Variants in MACC1 observed in about 807,000 individuals in gnomAD.
MACC1 encodes the protein metastasis-associated in colon cancer protein 1.
In MACC1, 79 loss-of-function variants were observed where a neutral mutation model predicts 70.7. That is an observed-to-expected ratio of 1.12 (90% confidence interval 0.93 to 1.35). MACC1 has a LOEUF of 1.35. Among genes scored for constraint, MACC1 ranks in the 40% most tolerant of loss-of-function variants. The pLI is 0.00. For synonymous variants in MACC1, 361 were observed against 347.2 expected (o/e 1.04, Z -0.44); for missense variants, 1,106 against 978.1 (o/e 1.13, Z -1.74).
chr7:20,194,534 C>T (rs539721061), intron 1 of MACC1, among the ~76,000 whole-genome samples: 1 of 152,326 alleles, frequency 6.6e-6, no homozygotes, highest in African/African-American at 2.4e-5. Context: ...TAAAAGCTTA[C>T]ACCTGATTCA....
chr7:20,192,889 C>A (rs1782693974), intron 1 of MACC1, among the ~76,000 whole-genome samples: 2 of 152,186 alleles, frequency 1.3e-5, no homozygotes, highest in African/African-American at 4.8e-5. Flanking sequence ...AAAAGTACTA[C>A]AGGATTTGAG....
intron 5 of MACC1, among the ~76,000 whole-genome samples, chr7:20,155,139 C>T (rs1377797290): frequency 1.3e-5 from 2 of 152,014 alleles, no homozygotes; most frequent in Non-Finnish European, 2.9e-5. Context: ...TGTGTTTTGC[C>T]TTGAGTACCA....
rs1456939853 is a variant in MACC1, at chr7:20,138,706, C to A, written c.*2240G>T. 2 of 150,370 alleles carry A rather than the reference C, an allele frequency of 1.3e-5. No homozygotes were observed. The highest frequency in any genetic ancestry group is 2.0e-4 in the East Asian group (1 of 5,108). 9.3% of individuals were successfully genotyped at this position (150,370 alleles called of 1,614,324 possible). Reference sequence around the variant, plus strand: ...ATTCCTTTTTTTTTTTTTGAGACAGCCTGTCACCCAGGCTGGAGTGCAGTG... The same window carrying A: ...ATTCCTTTTTTTTTTTTTGAGACAGACTGTCACCCAGGCTGGAGTGCAGTG... On this transcript the variant is annotated 3_prime_UTR_variant, in exon 7 of 7. Transcript: ENST00000400331.
intron 1 of MACC1, among the ~76,000 whole-genome samples, chr7:20,174,854 AT>A (rs1257061958): frequency 1.1e-4 from 16 of 152,128 alleles, no homozygotes; most frequent in African/African-American, 2.9e-4. Flanking sequence ...TTTTAAAAAA[AT>A]GTATTTGTTA....
At position 20,185,121 on chromosome 7, in the gene MACC1, G is replaced by A. The variant is rs1387629892; in HGVS notation, c.-217-14343C>T. 3.9e-5 allele frequency: 6 copies of A among 152,110 alleles called. No homozygotes were observed. In the East Asian group the frequency reaches 1.2e-3, roughly 29 times the overall value. 9.4% of individuals were successfully genotyped at this position (152,110 alleles called of 1,614,324 possible). A position where few individuals can be genotyped will look rare whatever the true frequency, so the allele number is the denominator to read the frequency against. ...AATAAATAATATCAGTTCTCTCTAA[G>A]AGGTAGAAAAACTAAGCCTGAATTC... On this transcript the variant is annotated intron_variant, in intron 1 of 6. Transcript: ENST00000400331.
intron 6 of MACC1, 130 bp from the exon 7 acceptor site, chr7:20,141,288 T>C (rs1781797038): frequency 1.8e-6 from 1 of 559,728 alleles, no homozygotes; most frequent in African/African-American, 1.9e-5. Flanking sequence ...CATGGACTTA[T>C]TTGATGTCAT....
intron 6 of MACC1, among the ~76,000 whole-genome samples, chr7:20,149,645 G>A (rs946870475): frequency 2.0e-5 from 3 of 151,952 alleles, no homozygotes; most frequent in African/African-American, 7.3e-5. Context: ...ACCAACATAT[G>A]TACCTGACCA....
chr7:20,161,169 T>C (rs1448248207), intron 4 of MACC1, among the ~76,000 whole-genome samples: 2 of 152,134 alleles, frequency 1.3e-5, no homozygotes, highest in East Asian at 1.9e-4. Context: ...TTTGTGAAGC[T>C]AGTGCTGCTT....
At chr7:20,151,360 A>C (rs1781975153) in intron 6 of MACC1, among the ~76,000 whole-genome samples, 2 of 152,198 alleles carry the variant, frequency 1.3e-5, no homozygotes, top group African/African-American at 4.8e-5. Context: ...TAAAACTCTA[A>C]ATATATTCAG....
chr7:20,196,933 T>A (rs1583408401), intron 1 of MACC1, among the ~76,000 whole-genome samples: 1 of 152,198 alleles, frequency 6.6e-6, no homozygotes, highest in East Asian at 1.9e-4. Context: ...CCCCTAATTT[T>A]CTATGGTACA....
rs1050103478 is a variant in MACC1, at chr7:20,137,763, T to C, written c.*3183A>G. ...CTTTTCTGATTATGAAAATCCATTA[T>C]AGCAAGAAAAAATATAAAGTTCAGA... On this transcript the variant is annotated 3_prime_UTR_variant, in exon 7 of 7. Transcript: ENST00000400331. 3.3e-5 allele frequency: 5 copies of C among 152,228 alleles called. No individual in the cohort carries two copies. Among genetic ancestry groups the C allele is most frequent in the African/African-American group, 4.8e-5 (2 of 41,468 alleles). The allele number at this position is 152,228 out of a possible 1,614,324, so 9.4% of individuals were successfully genotyped here.
At chr7:20,180,524 A>C (rs1331137461) in intron 1 of MACC1, among the ~76,000 whole-genome samples, 1 of 152,006 alleles carries the variant, frequency 6.6e-6, no homozygotes, top group African/African-American at 2.4e-5. Flanking sequence ...AATATTGTAC[A>C]TAAAACTAGC....
At chr7:20,157,049 A>C (rs1030416728) in intron 5 of MACC1, among the ~76,000 whole-genome samples, 4 of 152,240 alleles carry the variant, frequency 2.6e-5, no homozygotes, top group African/African-American at 9.6e-5. Flanking sequence ...AAACCAAAAA[A>C]TATTCAAATC....
At chr7:20,182,071 C>A (rs1358538200) in intron 1 of MACC1, among the ~76,000 whole-genome samples, 1 of 151,350 alleles carries the variant, frequency 6.6e-6, no homozygotes, top group African/African-American at 2.4e-5. Context: ...AACCATCATT[C>A]TCAGCAAACT....
rs1229115690 is a variant in MACC1 at position 20,135,722 on chromosome 7, C to T, written c.*5224G>A. 6.6e-6 allele frequency: 1 copy of T among 152,222 alleles called. No homozygotes were observed. The highest frequency in any genetic ancestry group is 1.9e-4 in the East Asian group (1 of 5,200). The allele number at this position is 152,222 out of a possible 1,614,324, so 9.4% of individuals were successfully genotyped here. A position where few individuals can be genotyped will look rare whatever the true frequency, so the allele number is the denominator to read the frequency against. On this transcript the variant is annotated 3_prime_UTR_variant, in exon 7 of 7. Transcript: ENST00000400331. ...CTGGTCTAAGGCCTTGACAATGAGA[C>T]TGGAGCATGTTTGGCAGCGTGCTTT...
chr7:20,185,914 G>T (rs994267227), intron 1 of MACC1, among the ~76,000 whole-genome samples: 1 of 152,140 alleles, frequency 6.6e-6, no homozygotes, highest in African/African-American at 2.4e-5. Context: ...ATCCCGGTAG[G>T]AAGTAAAGAA....
intron 1 of MACC1, among the ~76,000 whole-genome samples, chr7:20,183,793 C>T (rs1197295929): frequency 6.6e-6 from 1 of 151,444 alleles, no homozygotes; most frequent in African/African-American, 2.4e-5. Context: ...ACTGCAGCCT[C>T]CGTTCCCGGG....
At chr7:20,146,822 C>T (rs1781898723) in intron 6 of MACC1, among the ~76,000 whole-genome samples, 1 of 152,188 alleles carries the variant, frequency 6.6e-6, no homozygotes, top group African/African-American at 2.4e-5. Context: ...TCAGCCTTCT[C>T]ATTTCTATCA....
chr7:20,167,215 AG>A (rs1782234263), intron 2 of MACC1, among the ~76,000 whole-genome samples: 1 of 151,246 alleles, frequency 6.6e-6, no homozygotes, highest in Non-Finnish European at 1.5e-5. Flanking sequence ...TTTTCAATGG[AG>A]ATGGAATTTT....
Sources: gnomAD v4.1 joint callset for allele counts (sites outside exome capture counted in the v4.1 genomes callset) on GRCh38, gnomAD v4.1.1 for gene constraint, MANE v1.5 for transcripts, NCBI Gene and HGNC (gene_info 2026-07-23, HGNC 2026-07-21) for gene names.